PDK1: variants seen among roughly 807,000 people sequenced by gnomAD.
PDK1 encodes the protein [Pyruvate dehydrogenase (acetyl-transferring)] kinase isozyme 1, mitochondrial.
Under a neutral mutation model 54.2 loss-of-function variants are expected in PDK1, and 39 were observed. That is an observed-to-expected ratio of 0.72 (90% CI 0.56 to 0.94). The LOEUF is 0.94. PDK1 is among the 40% of genes least tolerant of loss of function. The probability of loss-of-function intolerance (pLI) is 0.00; values close to 1 mark genes in which losing one functional copy is unlikely to be tolerated. For synonymous variants in PDK1, 221 were observed against 207.1 expected, an observed-to-expected ratio of 1.07 and a Z score of -0.58; for missense variants, 552 against 566.0, an observed-to-expected ratio of 0.98 and a Z score of 0.25.
chr2:172,688,293 A>G, the PDK1 span, among the ~76,000 whole-genome samples: 5 of 150,636 alleles, frequency 3.3e-5, no homozygotes, highest in South Asian at 1.0e-3. Context: ...GATGTGTGTG[A>G]TCCCACTCCC....
Position 172,562,250 on chromosome 2 carries a change from T to C in PDK1, c.369T>C (p.Asp123=). The change falls in exon 3 of 11, where the codon GAT becomes GAC. Residue 123 remains aspartate, a synonymous_variant. Coordinates refer to ENST00000282077, the MANE Select transcript of PDK1 (RefSeq NM_002610.5). ...WYIQSLQELL[D]FKDKSAEDAK... is the part of the protein sequence containing the mutation. ...TCCAGAGTCTTCAGGAGCTTCTTGATTTTAAGGACAAAAGTGCTGAGGATG... is the reference window on the plus strand; with the variant it reads ...TCCAGAGTCTTCAGGAGCTTCTTGACTTTAAGGACAAAAGTGCTGAGGATG... The C allele has an allele frequency of 6.2e-7, 1 of 1,602,282 alleles. No individual in the cohort carries two copies. The highest frequency in any genetic ancestry group is 8.6e-7 in the Non-Finnish European group (1 of 1,169,436).
the PDK1 span, among the ~76,000 whole-genome samples, chr2:172,687,697 A>G: frequency 6.6e-6 from 1 of 152,166 alleles, no homozygotes; most frequent in Non-Finnish European, 1.5e-5. Context: ...TGGGGTTGCT[A>G]TAAATGTCCA....
At chr2:172,688,848 A>G in the PDK1 span, among the ~76,000 whole-genome samples, 7 of 152,112 alleles carry the variant, frequency 4.6e-5, no homozygotes, top group Non-Finnish European at 7.4e-5. Flanking sequence ...TATCTTCCCC[A>G]CAGCATCTTC....
chr2:172,624,008 A>AGC, the PDK1 span, among the ~76,000 whole-genome samples: 8 of 152,174 alleles, frequency 5.3e-5, no homozygotes, highest in Middle Eastern at 3.2e-3. Flanking sequence ...TTCTGGTATT[A>AGC]GAGCCTTTCT....
the PDK1 span, among the ~76,000 whole-genome samples, chr2:172,639,853 C>A: frequency 6.6e-6 from 1 of 152,178 alleles, no homozygotes; most frequent in Non-Finnish European, 1.5e-5. Context: ...CTAATGCTGT[C>A]ATCACACTTC....
At chr2:172,634,789 G>A in the PDK1 span, among the ~76,000 whole-genome samples, 95 of 130,774 alleles carry the variant, frequency 7.3e-4, 1 homozygote, top group Middle Eastern at 7.6e-3. Flanking sequence ...AAAAAAAAAA[G>A]ATAAGGTTTT....
the PDK1 span, among the ~76,000 whole-genome samples, chr2:172,639,914 G>A: frequency 7.2e-5 from 11 of 152,194 alleles, no homozygotes; most frequent in African/African-American, 2.2e-4. Flanking sequence ...GACATGTAAA[G>A]AATGAGCACA....
At chr2:172,694,530 A>G in the PDK1 span, among the ~76,000 whole-genome samples, 1 of 152,090 alleles carries the variant, frequency 6.6e-6, no homozygotes, top group African/African-American at 2.4e-5. Flanking sequence ...CAGGCATTCA[A>G]GTTTCTTCCT....
the PDK1 span, among the ~76,000 whole-genome samples, chr2:172,645,260 C>CTTTTTTTTTTTTTTTTTTTTTT: frequency 7.8e-5 from 4 of 51,144 alleles, no homozygotes; most frequent in African/African-American, 2.0e-4. Flanking sequence ...ACAAAATAGG[C>CTTTTTTTTTTTTTTTTTTTTTT]TTTTTTTTTT....
chr2:172,631,540 CA>C, the PDK1 span, among the ~76,000 whole-genome samples: 108,327 of 151,334 alleles, frequency 0.72, 39,105 homozygotes, highest in Non-Finnish European at 0.77. Context: ...AGAGGTTAGC[CA>C]TGTGGTAAGG....
chr2:172,692,131 T>G, the PDK1 span, among the ~76,000 whole-genome samples: 1 of 152,150 alleles, frequency 6.6e-6, no homozygotes. Flanking sequence ...TAACCTTTGG[T>G]GCAGTGGAGA....
intron 9 of PDK1, among the ~76,000 whole-genome samples, chr2:172,589,972 G>A (rs1690478950): frequency 1.3e-5 from 2 of 152,182 alleles, no homozygotes; most frequent in Admixed American, 6.5e-5. Context: ...GTGGGAGGCA[G>A]AGACCTGATC....
the PDK1 span, among the ~76,000 whole-genome samples, chr2:172,645,417 C>T: frequency 6.6e-6 from 1 of 151,676 alleles, no homozygotes; most frequent in African/African-American, 2.4e-5. Context: ...TGCCACCACG[C>T]CCGGCTAATT....
chr2:172,678,519 T>C, the PDK1 span, among the ~76,000 whole-genome samples: 620 of 152,290 alleles, frequency 4.1e-3, 3 homozygotes, highest in Non-Finnish European at 7.3e-3. Flanking sequence ...ATGCATTATA[T>C]TAAAATAAAC....
chr2:172,562,767 T>G, intron 3 of PDK1: 1 of 1,606,318 alleles, frequency 6.2e-7, no homozygotes, highest in Non-Finnish European at 8.5e-7. Flanking sequence ...TGGTTGCAGG[T>G]CTCTAGTTTA....
intron 7 of PDK1, among the ~76,000 whole-genome samples, chr2:172,570,286 C>T (rs1689174161): frequency 6.6e-6 from 1 of 152,148 alleles, no homozygotes; most frequent in Admixed American, 6.5e-5. Flanking sequence ...GGATTCATTG[C>T]TCCATCAAAT....
At chr2:172,669,686 TA>T in the PDK1 span, among the ~76,000 whole-genome samples, 1 of 152,218 alleles carries the variant, frequency 6.6e-6, no homozygotes, top group Non-Finnish European at 1.5e-5. Context: ...CTTGTTTTGG[TA>T]ATAGCAAATT....
the PDK1 span, among the ~76,000 whole-genome samples, chr2:172,628,256 C>T: frequency 6.6e-6 from 1 of 152,244 alleles, no homozygotes; most frequent in Admixed American, 6.5e-5. Context: ...GTTAGCTTAG[C>T]TACCTGAGCC....
the PDK1 span, among the ~76,000 whole-genome samples, chr2:172,627,625 C>T: frequency 2.0e-5 from 3 of 151,968 alleles, no homozygotes; most frequent in East Asian, 1.9e-4. Flanking sequence ...GCCTGTGGGC[C>T]CCCCCGAAGC....
Sources: allele counts gnomAD v4.1 joint callset (sites outside exome capture counted in the v4.1 genomes callset), GRCh38; gene constraint gnomAD v4.1.1; transcripts MANE v1.5; gene names NCBI Gene and HGNC (gene_info 2026-07-23, HGNC 2026-07-21).